STARD13: variants seen among roughly 807,000 people sequenced by gnomAD.
STARD13 encodes StAR related lipid transfer domain containing 13.
STARD13 carries 62 observed loss-of-function variants against 106.4 expected under a neutral mutation model. That is an observed-to-expected ratio of 0.58 (90% CI 0.48 to 0.72). The LOEUF is 0.72. Among genes scored for constraint, STARD13 ranks in the 30% least tolerant of loss-of-function variants. The pLI, the probability that STARD13 is intolerant of heterozygous loss-of-function variation, is 0.00. For synonymous variants in STARD13, 565 were observed against 553.0 expected (o/e 1.02, Z -0.31); for missense variants, 1,387 against 1,424.0 (o/e 0.97, Z 0.42).
At chr13:33,602,066 C>T in the STARD13 span, among the ~76,000 whole-genome samples, 1 of 151,866 alleles carries the variant, frequency 6.6e-6, no homozygotes, top group Admixed American at 6.6e-5. Flanking sequence ...ATCTGAACCA[C>T]CTCCTGTGAC....
At chr13:33,655,842 G>C in the STARD13 span, among the ~76,000 whole-genome samples, 2 of 152,222 alleles carry the variant, frequency 1.3e-5, no homozygotes, top group African/African-American at 4.8e-5. Flanking sequence ...AACTGCTGCT[G>C]TCGTTGCAGG....
At chr13:33,604,133 T>C in the STARD13 span, among the ~76,000 whole-genome samples, 38 of 152,244 alleles carry the variant, frequency 2.5e-4, 2 homozygotes, top group East Asian at 5.2e-3. Context: ...CAGGAATTTG[T>C]GAATGGCAAA....
chr13:33,246,044 G>A (rs546743818), intron 1 of STARD13, among the ~76,000 whole-genome samples: 1 of 152,266 alleles, frequency 6.6e-6, no homozygotes, highest in Admixed American at 6.5e-5. Context: ...GAAGGGATGG[G>A]GTGGGCCTGT....
At chr13:33,121,567 CAAA>C (rs1240533382) in intron 7 of STARD13, among the ~76,000 whole-genome samples, 3 of 65,216 alleles carry the variant, frequency 4.6e-5, no homozygotes, top group African/African-American at 5.2e-5. Flanking sequence ...GACTCCACCT[CAAA>C]AAAAAAAAAA....
rs188220507 is a variant in STARD13 at position 33,250,043 on chromosome 13, A to G, written c.169+35427T>C. 1.7e-4 allele frequency among the ~76,000 whole-genome samples: 26 copies of G among 152,262 alleles called. 1 individual carries two copies. The highest frequency in any genetic ancestry group is 1.7e-3 in the Admixed American group (26 of 15,292). On this transcript the variant is annotated intron_variant, in intron 1 of 13. Transcript: ENST00000336934. ...CGGGCTCAAGTGATCCCCCCGTCTC[A>G]GCCTTCCAAGTGTTGGGATTACAGG...
chr13:33,239,899 G>A lies in STARD13; in HGVS notation c.169+45571C>T, dbSNP rs201985640. ...CTGTGTAGGAGTTTTTAAGTTTGAT[G>A]TAGTCCCATTTGTCTATTTTTGCTT... is the stretch of plus-strand genomic sequence containing the variant. On this transcript the variant is annotated intron_variant, in intron 1 of 13. Coordinates refer to ENST00000336934, the MANE Select transcript of STARD13 (RefSeq NM_178006.4). 7.2e-5 allele frequency among the ~76,000 whole-genome samples: 11 copies of A among 152,212 alleles called. No homozygotes were observed. The East Asian group carries it at 1.7e-3, about 24-fold the overall frequency.
chr13:33,491,975 CAG>C, the STARD13 span, among the ~76,000 whole-genome samples: 1 of 151,856 alleles, frequency 6.6e-6, no homozygotes, highest in Non-Finnish European at 1.5e-5. Flanking sequence ...GGAAGGGAGA[CAG>C]GGGTGGGGCC....
At chr13:33,661,364 G>A in the STARD13 span, 1 of 152,202 alleles carries the variant, frequency 6.6e-6, no homozygotes, top group Admixed American at 6.5e-5. Context: ...GGATTTGTGA[G>A]ACCAGCCAAG....
chr13:33,305,278 G>T (rs1892863301), intron 1 of STARD13, among the ~76,000 whole-genome samples: 1 of 152,154 alleles, frequency 6.6e-6, no homozygotes, highest in Admixed American at 6.5e-5. Flanking sequence ...TTACTTTACT[G>T]CCGTCACTAA....
upstream of STARD13, among the ~76,000 whole-genome samples, chr13:33,286,951 A>C (rs1261976187): frequency 6.6e-6 from 1 of 152,110 alleles, no homozygotes; most frequent in Non-Finnish European, 1.5e-5. Flanking sequence ...TGTATATGTC[A>C]TTATAATTTT....
chr13:33,231,325 G>A (rs1226993133), intron 1 of STARD13, among the ~76,000 whole-genome samples: 1 of 152,184 alleles, frequency 6.6e-6, no homozygotes, highest in Non-Finnish European at 1.5e-5. Flanking sequence ...GCCATACATT[G>A]CACAAGGCAC....
chr13:33,302,437 A>G (rs1048061527), intron 1 of STARD13, among the ~76,000 whole-genome samples: 6 of 152,072 alleles, frequency 3.9e-5, no homozygotes, highest in Non-Finnish European at 7.4e-5. Context: ...GTTTTTTGAG[A>G]CAAGGTCTCA....
At chr13:33,631,832 A>G in the STARD13 span, among the ~76,000 whole-genome samples, 1 of 152,256 alleles carries the variant, frequency 6.6e-6, no homozygotes, top group Non-Finnish European at 1.5e-5. Context: ...TTTTCATGAT[A>G]TCTGGTGAGC....
the STARD13 span, among the ~76,000 whole-genome samples, chr13:33,667,345 T>A: frequency 5.4e-3 from 830 of 152,336 alleles, 10 homozygotes; most frequent in African/African-American, 0.018. Context: ...GTGGTTTTTA[T>A]CTCTTTGTGG....
chr13:33,271,418 AG>A (rs1434129052), intron 1 of STARD13: 3 of 152,302 alleles, frequency 2.0e-5, no homozygotes, highest in Admixed American at 6.5e-5. Flanking sequence ...TGTGGGCCCC[AG>A]GTGCCCCGGG....
chr13:33,588,786 T>C, the STARD13 span, among the ~76,000 whole-genome samples: 149 of 152,338 alleles, frequency 9.8e-4, no homozygotes, highest in Middle Eastern at 0.01. Context: ...TCCTGGCACA[T>C]CTTCATTCAT....
the STARD13 span, among the ~76,000 whole-genome samples, chr13:33,455,484 G>A: frequency 6.6e-6 from 1 of 152,164 alleles, no homozygotes; most frequent in Non-Finnish European, 1.5e-5. Flanking sequence ...ATCAGATCTT[G>A]AGACAAAGCC....
chr13:33,112,306 C>T lies in STARD13; in HGVS notation c.2493-414G>A, dbSNP rs186441731. Among the ~76,000 whole-genome samples, 251 of 152,302 alleles carry T rather than the reference C, an allele frequency of 1.6e-3. 2 individuals carry two copies. The highest frequency in any genetic ancestry group is 5.8e-3 in the African/African-American group (240 of 41,574). ...CACAGCTGGCATTCTTCAATGCTAG[C>T]TCAATAATTCTATGAATCTGAGCCC... On this transcript the variant is annotated intron_variant, in intron 9 of 13. Transcript: ENST00000336934.
the STARD13 span, among the ~76,000 whole-genome samples, chr13:33,540,140 T>C: frequency 6.6e-6 from 1 of 152,246 alleles, no homozygotes; most frequent in South Asian, 2.1e-4. Context: ...TCCAAGAACC[T>C]AGTGGATGCC....
Sources: gnomAD v4.1 joint callset for allele counts (sites outside exome capture counted in the v4.1 genomes callset) on GRCh38, gnomAD v4.1.1 for gene constraint, MANE v1.5 for transcripts, NCBI Gene and HGNC (gene_info 2026-07-23, HGNC 2026-07-21) for gene names.